ADORA2B: variants seen among roughly 807,000 people sequenced by gnomAD.
ADORA2B encodes the protein adenosine receptor A2b.
A neutral mutation model predicts 20.8 loss-of-function variants in ADORA2B; 18 were observed. The ratio of observed to expected loss-of-function variants is 0.87; its 90% CI spans 0.60 to 1.29. The LOEUF (loss-of-function observed/expected upper bound fraction) is 1.29. Among genes scored for constraint, ADORA2B ranks in the 50% most tolerant of loss-of-function variants. The probability of loss-of-function intolerance (pLI) is 0.00; values close to 1 mark genes in which losing one functional copy is unlikely to be tolerated. For synonymous variants in ADORA2B, 179 were observed against 178.3 expected, an observed-to-expected ratio of 1.00 and a Z score of -0.03; for missense variants, 441 against 422.7, an observed-to-expected ratio of 1.04 and a Z score of -0.38.
chr17:15,873,781 A>G, the ADORA2B span, among the ~76,000 whole-genome samples: 2 of 152,184 alleles, frequency 1.3e-5, no homozygotes, highest in South Asian at 4.1e-4. Flanking sequence ...GGGAACGCTT[A>G]TACACTACTG....
the ADORA2B span, among the ~76,000 whole-genome samples, chr17:15,859,077 G>A: frequency 6.6e-6 from 1 of 152,066 alleles, no homozygotes; most frequent in Admixed American, 6.6e-5. Flanking sequence ...TCTCACCTAA[G>A]CCTCCCAAAG....
chr17:15,964,349 G>A (rs1270757609), intron 1 of ADORA2B, among the ~76,000 whole-genome samples: 1 of 152,148 alleles, frequency 6.6e-6, no homozygotes, highest in African/African-American at 2.4e-5. Flanking sequence ...ACTCACACCT[G>A]TAATCCCAGC....
chr17:15,967,511 G>A (rs1038263796), intron 1 of ADORA2B, among the ~76,000 whole-genome samples: 13 of 152,082 alleles, frequency 8.5e-5, no homozygotes, highest in Non-Finnish European at 1.3e-4. Context: ...GATTACAGGC[G>A]TGAGCCACCG....
chr17:15,904,512 C>T, the ADORA2B span, among the ~76,000 whole-genome samples: 2 of 151,760 alleles, frequency 1.3e-5, no homozygotes, highest in African/African-American at 4.8e-5. Context: ...CTCAGCCTCC[C>T]GGGTAACTGG....
the ADORA2B span, among the ~76,000 whole-genome samples, chr17:15,933,064 T>A: frequency 6.7e-6 from 1 of 150,270 alleles, no homozygotes; most frequent in Admixed American, 6.7e-5. Context: ...CACACCATTC[T>A]CCTGCCTCAG....
chr17:15,938,061 C>T, the ADORA2B span, among the ~76,000 whole-genome samples: 1 of 152,096 alleles, frequency 6.6e-6, no homozygotes, highest in Non-Finnish European at 1.5e-5. Context: ...ACAGTTTTAT[C>T]ATGCTGGTTG....
chr17:15,885,725 A>C, the ADORA2B span, among the ~76,000 whole-genome samples: 1 of 151,546 alleles, frequency 6.6e-6, no homozygotes, highest in Non-Finnish European at 1.5e-5. Flanking sequence ...AAAAAAAAAA[A>C]CAAAAAAAAA....
chr17:15,909,898 A>C, the ADORA2B span, among the ~76,000 whole-genome samples: 1 of 152,184 alleles, frequency 6.6e-6, no homozygotes, highest in South Asian at 2.1e-4. Context: ...GGTTACCCTG[A>C]GTGGCAGCAG....
the ADORA2B span, among the ~76,000 whole-genome samples, chr17:15,865,378 C>G: frequency 6.6e-6 from 1 of 151,440 alleles, no homozygotes; most frequent in African/African-American, 2.4e-5. Context: ...TCTCCTGCCT[C>G]GACCTCCGGA....
the ADORA2B span, among the ~76,000 whole-genome samples, chr17:15,939,900 G>A: frequency 6.7e-6 from 1 of 149,040 alleles, no homozygotes; most frequent in African/African-American, 2.5e-5. Context: ...CATTTTCTCT[G>A]AATGTCTGAG....
chr17:15,975,341 G>C lies in ADORA2B; in HGVS notation c.998G>C (p.Ter333SerextTer49). The change falls in exon 2 of 2, where the codon TGA becomes TCA. Residue 333 changes from the stop codon to serine (S), a stop_lost. Coordinates refer to ENST00000304222, the MANE Select transcript of ADORA2B (RefSeq NM_000676.4). Reference protein sequence around the residue: ...GVQPALGVGL* With the variant: ...GVQPALGVGLS ...CAGCCTGCTCTCGGTGTGGGCCTATGATCTAGGCTCTCGCCTCTTCCAGGA... is the reference window on the plus strand; with the variant it reads ...CAGCCTGCTCTCGGTGTGGGCCTATCATCTAGGCTCTCGCCTCTTCCAGGA... 2 of 1,608,172 alleles carry C rather than the reference G, an allele frequency of 1.2e-6. No homozygotes were observed. The highest frequency in any genetic ancestry group is 2.2e-5 in the South Asian group (2 of 90,952).
At chr17:15,899,648 A>G in the ADORA2B span, among the ~76,000 whole-genome samples, 146 of 152,208 alleles carry the variant, frequency 9.6e-4, no homozygotes, top group Non-Finnish European at 1.7e-3. Flanking sequence ...CTTTATGCCC[A>G]TGACTACCCA....
intron 1 of ADORA2B, among the ~76,000 whole-genome samples, chr17:15,971,180 G>C (rs1970185005): frequency 6.6e-6 from 1 of 152,264 alleles, no homozygotes; most frequent in South Asian, 2.1e-4. Context: ...GCTGCTGCAT[G>C]GGCTGCCTCA....
At chr17:15,923,367 G>GTC in the ADORA2B span, among the ~76,000 whole-genome samples, 20 of 142,424 alleles carry the variant, frequency 1.4e-4, no homozygotes, top group African/African-American at 4.7e-4. Context: ...CTCTCTCTCT[G>GTC]TCTCTCTCTC....
At chr17:15,905,539 C>G in the ADORA2B span, among the ~76,000 whole-genome samples, 3 of 151,942 alleles carry the variant, frequency 2.0e-5, no homozygotes, top group East Asian at 5.8e-4. Context: ...GCCACCAAAC[C>G]CAGCTTTTTT....
the ADORA2B span, among the ~76,000 whole-genome samples, chr17:15,890,754 A>C: frequency 6.6e-6 from 1 of 152,262 alleles, no homozygotes; most frequent in East Asian, 1.9e-4. Flanking sequence ...AGAGCACAGC[A>C]GCCCCACTGG....
intron 1 of ADORA2B, chr17:15,974,166 A>C (rs973578712): frequency 1.0e-4 from 16 of 153,658 alleles, no homozygotes; most frequent in African/African-American, 3.9e-4. Flanking sequence ...ACAGTTGGCC[A>C]CATTTGATTG....
At chr17:15,883,143 A>G in the ADORA2B span, among the ~76,000 whole-genome samples, 1 of 152,150 alleles carries the variant, frequency 6.6e-6, no homozygotes. Flanking sequence ...AGAGGTTAAC[A>G]GGGGGCTGAA....
chr17:15,929,706 C>T, the ADORA2B span, among the ~76,000 whole-genome samples: 1 of 152,196 alleles, frequency 6.6e-6, no homozygotes, highest in Admixed American at 6.5e-5. Flanking sequence ...GAAATTCTGA[C>T]AACAGTGCTA....
Sources: allele counts gnomAD v4.1 joint callset (sites outside exome capture counted in the v4.1 genomes callset), GRCh38; gene constraint gnomAD v4.1.1; transcripts MANE v1.5; gene names NCBI Gene and HGNC (gene_info 2026-07-23, HGNC 2026-07-21).